Variants in CFAP20DC observed in about 807,000 individuals in gnomAD.
The protein encoded by CFAP20DC is CFAP20 domain containing, also known as protein CFAP20DC.
CFAP20DC carries 84 observed loss-of-function variants against 101.7 expected under a neutral mutation model. The observed-to-expected ratio is 0.83, with a 90% CI of 0.69 to 0.99. CFAP20DC has a LOEUF of 0.99. CFAP20DC is among the 50% of genes least tolerant of loss of function. The probability of loss-of-function intolerance (pLI) is 0.00; values close to 1 mark genes in which losing one functional copy is unlikely to be tolerated. For missense variants in CFAP20DC, 1,007 were observed against 970.3 expected (o/e 1.04, Z -0.50); for synonymous variants, 359 against 351.2 (o/e 1.02, Z -0.25).
Position 59,015,473 on chromosome 3 carries a change from T to C in CFAP20DC, c.278+24084A>G, listed in dbSNP as rs1422605848. Among the ~76,000 whole-genome samples, 1 of 138,174 alleles carries C rather than the reference T, an allele frequency of 7.2e-6. No individual in the cohort carries two copies. Among genetic ancestry groups the C allele is most frequent in the Non-Finnish European group, 1.6e-5 (1 of 64,414 alleles). 90.6% of individuals were successfully genotyped at this position (138,174 alleles called of 152,430 possible). A position where few individuals can be genotyped will look rare whatever the true frequency, so the allele number is the denominator to read the frequency against. On this transcript the variant is annotated intron_variant, in intron 4 of 16. Transcript: ENST00000482387. This position sits in a 1 kb window ranked among gnomAD's most constrained non-coding sequence, Gnocchi z 5.4. ...AAAACAAGAGAAAGAGGGAAAAGGATGAGGGAGAAAAGGAAGAGAAAGAAG... is the reference window on the plus strand; with the variant it reads ...AAAACAAGAGAAAGAGGGAAAAGGACGAGGGAGAAAAGGAAGAGAAAGAAG...
rs1445777915 is a variant in CFAP20DC, at chr3:59,015,961, G to A, written c.278+23596C>T. Among the ~76,000 whole-genome samples, 1 of 152,078 alleles carries A rather than the reference G, an allele frequency of 6.6e-6. No individual in the cohort carries two copies. The highest frequency in any genetic ancestry group is 1.9e-4 in the East Asian group (1 of 5,182). On this transcript the variant is annotated intron_variant, in intron 4 of 16. Transcript: ENST00000482387. This position sits in a 1 kb window ranked among gnomAD's most constrained non-coding sequence, Gnocchi z 5.4. ...GCAGTACCAATGGATGCCCAGGCTG[G>A]GACAAAATGCTGGGAAGAAGCCAGA...
rs939159886 is a variant in CFAP20DC at position 59,014,756 on chromosome 3, T to C, written c.278+24801A>G. 6.6e-6 allele frequency among the ~76,000 whole-genome samples: 1 copy of C among 152,112 alleles called. No homozygotes were observed. Among genetic ancestry groups the C allele is most frequent in the Non-Finnish European group, 1.5e-5 (1 of 68,008 alleles). On this transcript the variant is annotated intron_variant, in intron 4 of 16. Coordinates refer to ENST00000482387, the MANE Select transcript of CFAP20DC (RefSeq NM_001394063.1). This position sits in a 1 kb window ranked among gnomAD's most constrained non-coding sequence, Gnocchi z 4.9. ...AAGTCAGTAGTACTACATATGGTGG[T>C]AGTACTACATAATGGTGGAAGGCAG...
intron 14 of CFAP20DC, among the ~76,000 whole-genome samples, chr3:58,816,337 C>T (rs1016040506): frequency 5.9e-5 from 9 of 152,126 alleles, no homozygotes; most frequent in South Asian, 4.2e-4. Context: ...CCAGAGTGAG[C>T]GACGCAGAAG....
At chr3:58,933,832 A>G (rs1004831053) in intron 5 of CFAP20DC, among the ~76,000 whole-genome samples, 1 of 151,986 alleles carries the variant, frequency 6.6e-6, no homozygotes, top group African/African-American at 2.4e-5. Flanking sequence ...AAGATCCAAA[A>G]TTGACACCCT....
At chr3:58,888,070 A>G (rs2081807698) in intron 6 of CFAP20DC, among the ~76,000 whole-genome samples, 1 of 152,208 alleles carries the variant, frequency 6.6e-6, no homozygotes, top group Admixed American at 6.5e-5. Context: ...CCTCACCACT[A>G]ACCAATCACC....
At chr3:58,783,268 C>T (rs555127340) in intron 15 of CFAP20DC, among the ~76,000 whole-genome samples, 79 of 151,910 alleles carry the variant, frequency 5.2e-4, no homozygotes, top group Non-Finnish European at 9.7e-4. Context: ...TCATCATATA[C>T]AAAAATCAAC....
At chr3:58,820,253 C>T (rs1575758055) in intron 14 of CFAP20DC, among the ~76,000 whole-genome samples, 1 of 149,672 alleles carries the variant, frequency 6.7e-6, no homozygotes, top group East Asian at 2.0e-4. Flanking sequence ...TGCCCTCTCT[C>T]ACCACTCCTA....
chr3:58,796,565 C>T (rs2073259281), intron 15 of CFAP20DC, among the ~76,000 whole-genome samples: 2 of 152,126 alleles, frequency 1.3e-5, no homozygotes, highest in African/African-American at 4.8e-5. Context: ...GACTAAGGAC[C>T]TCTCCAGGAA....
intron 10 of CFAP20DC, among the ~76,000 whole-genome samples, chr3:58,867,378 A>C (rs958199199): frequency 1.3e-5 from 2 of 152,204 alleles, no homozygotes; most frequent in African/African-American, 4.8e-5. Flanking sequence ...TTTAACCTAG[A>C]GTATAACATA....
chr3:58,813,814 G>A lies in CFAP20DC; in HGVS notation c.2176-7358C>T, dbSNP rs554104348. ...CTTTGGTAATTGAACCAATATCAAT[G>A]CATCACCATTTCAGTAATAAGAAAC... On this transcript the variant is annotated intron_variant, in intron 14 of 16. Transcript: ENST00000482387. 5.9e-5 allele frequency among the ~76,000 whole-genome samples: 9 copies of A among 152,006 alleles called. No individual in the cohort carries two copies. In the South Asian group the frequency reaches 1.9e-3, roughly 32 times the overall value.
intron 15 of CFAP20DC, among the ~76,000 whole-genome samples, chr3:58,790,424 G>A (rs4431127): frequency 2.1e-4 from 32 of 152,228 alleles, no homozygotes; most frequent in Middle Eastern, 3.4e-3. Flanking sequence ...CTGTTTTCTC[G>A]CCCAAAAGTT....
Position 58,807,752 on chromosome 3 carries a change from G to C in CFAP20DC, c.2176-1296C>G, listed in dbSNP as rs997553470. Among the ~76,000 whole-genome samples, 4 of 152,318 alleles carry C rather than the reference G, an allele frequency of 2.6e-5. No individual in the cohort carries two copies. The South Asian group carries it at 8.3e-4, about 32-fold the overall frequency. ...GAGTTGCGAGAAGAAGGCTTCAGAT[G>C]ATCAAACTACTCCGAGCTACAGGAG... On this transcript the variant is annotated intron_variant, in intron 14 of 16. Transcript: ENST00000482387.
In CFAP20DC at chr3:59,001,106, A is replaced by G. The variant is rs2093297191; in HGVS notation, c.278+38451T>C. Among the ~76,000 whole-genome samples the G allele has an allele frequency of 6.6e-6, 1 of 152,218 alleles. No individual in the cohort carries two copies. The highest frequency in any genetic ancestry group is 2.1e-4 in the South Asian group (1 of 4,828). On this transcript the variant is annotated intron_variant, in intron 4 of 16. Transcript: ENST00000482387. This position sits in a 1 kb window ranked among gnomAD's most constrained non-coding sequence, Gnocchi z 4.5. ...TACAGCAGTAAGAGTTAGTAAAGAG[A>G]GCAAATTCAAAGAGCTGAAGCCTGC...
rs984030517 is a variant in CFAP20DC, at chr3:58,892,743, G to A, written c.551-8034C>T. On this transcript the variant is annotated intron_variant, in intron 6 of 16. Coordinates refer to ENST00000482387, the MANE Select transcript of CFAP20DC (RefSeq NM_001394063.1). The surrounding 1 kb of genome is among the most constrained non-coding windows in gnomAD (Gnocchi z 4.0). ...TTAAAAAGCTTTAGGCTGAGATGATGCGGTTTTCTAGATATAGGATCATGT... is the reference window on the plus strand; with the variant it reads ...TTAAAAAGCTTTAGGCTGAGATGATACGGTTTTCTAGATATAGGATCATGT... 5.3e-5 allele frequency among the ~76,000 whole-genome samples: 8 copies of A among 152,200 alleles called. No individual in the cohort carries two copies. The highest frequency in any genetic ancestry group is 1.0e-4 in the Non-Finnish European group (7 of 68,034).
chr3:59,011,351 T>A (rs1256172372), intron 4 of CFAP20DC, among the ~76,000 whole-genome samples: 9 of 151,150 alleles, frequency 6.0e-5, no homozygotes, highest in African/African-American at 2.2e-4. Context: ...TGAGTCAAGA[T>A]TGCACCACTA....
At position 58,742,231 on chromosome 3, in the gene CFAP20DC, T is replaced by G; in HGVS notation, c.*229A>C. On this transcript the variant is annotated 3_prime_UTR_variant, in exon 17 of 17. Coordinates refer to ENST00000482387, the MANE Select transcript of CFAP20DC (RefSeq NM_001394063.1). ...ACAAACAAGAACCAATTCAAACTCC[T>G]AAAATCTTGCCTCTGTATTAATTTC... 9.3e-7 allele frequency: 1 copy of G among 1,076,388 alleles called. No homozygotes were observed. The highest frequency in any genetic ancestry group is 1.1e-6 in the Non-Finnish European group (1 of 880,884). 66.7% of individuals were successfully genotyped at this position (1,076,388 alleles called of 1,614,324 possible).
At chr3:58,927,729 CAG>C (rs1246844809) in intron 5 of CFAP20DC, among the ~76,000 whole-genome samples, 2 of 152,162 alleles carry the variant, frequency 1.3e-5, no homozygotes, top group African/African-American at 4.8e-5. Context: ...TTGGCAAAAA[CAG>C]AGAACTGGGG....
At chr3:58,931,533 C>A (rs933750078) in intron 5 of CFAP20DC, among the ~76,000 whole-genome samples, 1 of 152,186 alleles carries the variant, frequency 6.6e-6, no homozygotes, top group African/African-American at 2.4e-5. Flanking sequence ...CCAGTAGGGG[C>A]AGACTGACAC....
rs1189604501 is a variant in CFAP20DC at position 59,001,347 on chromosome 3, T to C, written c.278+38210A>G. ...ACCACTAGAGGAAAGGGGGTGGTAA[T>C]CTTATGCTTAGGAGTTTGGCCTTTG... is the stretch of plus-strand genomic sequence containing the variant. On this transcript the variant is annotated intron_variant, in intron 4 of 16. Coordinates refer to ENST00000482387, the MANE Select transcript of CFAP20DC (RefSeq NM_001394063.1). The surrounding 1 kb of genome is among the most constrained non-coding windows in gnomAD (Gnocchi z 4.5). 6.6e-6 allele frequency among the ~76,000 whole-genome samples: 1 copy of C among 152,014 alleles called. No individual in the cohort carries two copies. The highest frequency in any genetic ancestry group is 1.5e-5 in the Non-Finnish European group (1 of 67,994).
Sources: allele counts gnomAD v4.1 joint callset (sites outside exome capture counted in the v4.1 genomes callset), GRCh38; gene constraint gnomAD v4.1.1; non-coding constraint Gnocchi (gnomAD v3.1); transcripts MANE v1.5; gene names NCBI Gene and HGNC (gene_info 2026-07-23, HGNC 2026-07-21).